The following EPG5 variants were observed in gnomAD, a reference collection of about 807,000 sequenced individuals.
EPG5 encodes the protein ectopic P granules protein 5 homolog.
EPG5 carries 159 observed loss-of-function variants against 302.7 expected under a neutral mutation model. The observed-to-expected ratio is 0.53, with a 90% confidence interval of 0.46 to 0.60. The LOEUF is 0.60. EPG5 is among the 20% of genes least tolerant of loss of function. The pLI is 0.00. For synonymous variants in EPG5, 1,158 were observed against 1,136.8 expected (o/e 1.02, Z -0.37); for missense variants, 2,896 against 3,092.4 (o/e 0.94, Z 1.51).
intron 39 of EPG5, among the ~76,000 whole-genome samples, chr18:45,860,790 C>T (rs892143927): frequency 6.6e-6 from 1 of 152,178 alleles, no homozygotes. Flanking sequence ...GTGATTTACA[C>T]ACATTAAAGG....
intron 27 of EPG5, among the ~76,000 whole-genome samples, chr18:45,898,995 G>T (rs933835070): frequency 6.6e-6 from 1 of 152,090 alleles, no homozygotes; most frequent in African/African-American, 2.4e-5. Context: ...CGTGGTGGCA[G>T]GTGCCTGTAA....
Position 45,912,303 on chromosome 18 carries a change from C to T in EPG5, c.3970G>A (p.Gly1324Arg). 1 of 1,599,416 alleles carries T rather than the reference C, an allele frequency of 6.3e-7. No homozygotes were observed. The highest frequency in any genetic ancestry group is 8.5e-7 in the Non-Finnish European group (1 of 1,174,976). Residue 1324 changes from glycine to arginine, a missense_variant, in exon 22 of 44, where the codon GGA becomes AGA. This residue lies in a region of EPG5 where 790 missense variants were observed against 798.0 expected (regional missense o/e 0.99). Coordinates refer to ENST00000282041, the MANE Select transcript of EPG5 (RefSeq NM_020964.3). The part of the protein sequence containing the change: ...KFFLLYLHRP[G>R]PQYGLPIDGC... The stretch of plus-strand genomic sequence containing the variant: ...TGGGCAGCATACCCATACTGTGGTC[C>T]CGGACGGTGAAGATACAGAAGGAAG...
At position 45,948,741 on chromosome 18, in the gene EPG5, C is replaced by T. The variant is rs116075577; in HGVS notation, c.1498-165G>A. ...ACAGCCCATGGGTTACCTGGTGGCA[C>T]TGAGTCAGCTGTACTCAAAGAGCAG... On this transcript the variant is annotated intron_variant, in intron 5 of 43. Transcript: ENST00000282041. Among the ~76,000 whole-genome samples the T allele has an allele frequency of 5.2e-3, 797 of 152,306 alleles. 5 individuals are homozygous for T. Among genetic ancestry groups the T allele is most frequent in the African/African-American group, 0.018 (742 of 41,582 alleles).
At chr18:45,905,171 C>T (rs541390083) in intron 24 of EPG5, among the ~76,000 whole-genome samples, 7 of 152,338 alleles carry the variant, frequency 4.6e-5, no homozygotes, top group Middle Eastern at 3.4e-3. Flanking sequence ...TTGGTGATCA[C>T]TACACTTTAG....
intron 39 of EPG5, 71 bp downstream of exon 39, chr18:45,865,544 T>C: frequency 6.6e-7 from 1 of 1,506,390 alleles, no homozygotes; most frequent in Non-Finnish European, 9.1e-7. Context: ...ATCCTCCTGA[T>C]CTCACAGTGC....
At chr18:45,934,218 G>C (rs1306300311) in intron 11 of EPG5, among the ~76,000 whole-genome samples, 1 of 152,068 alleles carries the variant, frequency 6.6e-6, no homozygotes, top group Admixed American at 6.6e-5. Context: ...GAACCCAGGA[G>C]GTGGAGGTTG....
At chr18:45,946,616 A>G (rs776066006) in intron 7 of EPG5, 47 bp downstream of exon 7, 4 of 1,388,848 alleles carry the variant, frequency 2.9e-6, no homozygotes, top group Non-Finnish European at 4.1e-6. Flanking sequence ...GGTGCATAAG[A>G]AGAGTTCACA....
chr18:45,898,359 A>C (rs2049527400), intron 27 of EPG5, among the ~76,000 whole-genome samples: 1 of 152,234 alleles, frequency 6.6e-6, no homozygotes, highest in Non-Finnish European at 1.5e-5. Flanking sequence ...ATAATATGAT[A>C]AAGGCCACCT....
chr18:45,859,312 G>C (rs1427045148), intron 40 of EPG5, among the ~76,000 whole-genome samples: 1 of 152,170 alleles, frequency 6.6e-6, no homozygotes, highest in African/African-American at 2.4e-5. Context: ...TTATCCTAAT[G>C]GTTCTCCACT....
intron 16 of EPG5, among the ~76,000 whole-genome samples, chr18:45,920,280 C>T (rs2050125636): frequency 6.6e-6 from 1 of 152,174 alleles, no homozygotes; most frequent in Admixed American, 6.5e-5. Context: ...GGGGAGATTA[C>T]AATGACAATA....
chr18:45,817,047 T>C, the EPG5 span, among the ~76,000 whole-genome samples: 2 of 152,300 alleles, frequency 1.3e-5, no homozygotes, highest in East Asian at 3.9e-4. Flanking sequence ...TTCTCACTCA[T>C]AAGTGGGAGC....
At chr18:45,833,158 A>T in the EPG5 span, among the ~76,000 whole-genome samples, 1 of 152,046 alleles carries the variant, frequency 6.6e-6, no homozygotes, top group Non-Finnish European at 1.5e-5. Context: ...TAAAGGTAAA[A>T]ATCCTTTGAA....
chr18:45,868,713 G>A (rs541998546), intron 36 of EPG5, among the ~76,000 whole-genome samples: 5 of 150,362 alleles, frequency 3.3e-5, no homozygotes, highest in Admixed American at 1.3e-4. Context: ...CAATGTCTCC[G>A]TATTATTAGT....
At chr18:45,814,029 A>G in the EPG5 span, among the ~76,000 whole-genome samples, 4 of 152,212 alleles carry the variant, frequency 2.6e-5, no homozygotes, top group African/African-American at 9.6e-5. Context: ...GGTTATCTAC[A>G]TATTCTCTGA....
Position 45,910,646 on chromosome 18 carries a change from A to G in EPG5, c.4080T>C (p.Ala1360=), listed in dbSNP as rs759299231. 1 of 1,614,186 alleles carries G rather than the reference A, an allele frequency of 6.2e-7. No individual in the cohort carries two copies. Reference sequence around the variant, plus strand: ...CCTTGCTTGCAGCATGGTGGAAGTCAGCCACCTCGGTCAAACGTCTCTTCA... The same window carrying G: ...CCTTGCTTGCAGCATGGTGGAAGTCGGCCACCTCGGTCAAACGTCTCTTCA... ...KEMKRRLTEV[A]DFHHAASKAL... The change falls in exon 23 of 44, where the codon GCT becomes GCC. Residue 1360 remains alanine (A), a synonymous_variant. Transcript: ENST00000282041.
chr18:45,875,191 C>G (rs982890165), intron 35 of EPG5, among the ~76,000 whole-genome samples: 3 of 152,124 alleles, frequency 2.0e-5, no homozygotes, highest in African/African-American at 4.8e-5. Flanking sequence ...CTTACACACC[C>G]TCAGCCTAGG....
rs568882312 is a variant in EPG5, at chr18:45,905,696, A to T, written c.4330-1579T>A. 2.0e-5 allele frequency among the ~76,000 whole-genome samples: 3 copies of T among 152,384 alleles called. No individual in the cohort carries two copies. In the South Asian group the frequency reaches 6.2e-4, roughly 32 times the overall value. On this transcript the variant is annotated intron_variant, in intron 24 of 43. Coordinates refer to ENST00000282041, the MANE Select transcript of EPG5 (RefSeq NM_020964.3). ...CTGAGCTTGAATTACAGATCAAGAA[A>T]TTATACATCAAGCACCAAGCAAGGG...
rs542353171 is a variant in EPG5, at chr18:45,848,858, C to A, written c.*3609G>T. The stretch of plus-strand genomic sequence containing the variant: ...CAGCACTCTGGGAGGCCGGGGCGGG[C>A]GGACCACAAGGTCAGGAGTTTGAAA... On this transcript the variant is annotated 3_prime_UTR_variant, in exon 44 of 44. Coordinates refer to ENST00000282041, the MANE Select transcript of EPG5 (RefSeq NM_020964.3). 1 of 152,236 alleles carries A rather than the reference C, an allele frequency of 6.6e-6. No individual in the cohort carries two copies. Among genetic ancestry groups the A allele is most frequent in the Non-Finnish European group, 1.5e-5 (1 of 68,110 alleles). The allele number at this position is 152,236 out of a possible 1,614,324, so 9.4% of individuals were successfully genotyped here. A position where few individuals can be genotyped will look rare whatever the true frequency, so the allele number is the denominator to read the frequency against.
chr18:45,881,019 C>T (rs561162871), intron 31 of EPG5, among the ~76,000 whole-genome samples: 3 of 152,096 alleles, frequency 2.0e-5, no homozygotes, highest in Non-Finnish European at 4.4e-5. Context: ...GCAGTGACAT[C>T]AGGGAAAACA....
Sources: allele counts gnomAD v4.1 joint callset (sites outside exome capture counted in the v4.1 genomes callset), GRCh38; gene constraint gnomAD v4.1.1; regional missense constraint gnomAD v4.1.1; transcripts MANE v1.5; gene names NCBI Gene and HGNC (gene_info 2026-07-23, HGNC 2026-07-21).